Variants in BABAM2 observed in about 807,000 individuals in gnomAD.
BABAM2 encodes BRISC and BRCA1 A complex member 2, also known as BRISC and BRCA1-A complex member 2.
Under a neutral mutation model 54.7 loss-of-function variants are expected in BABAM2, and 31 were observed. The observed-to-expected ratio is 0.57, with a 90% confidence interval of 0.43 to 0.77. BABAM2 has a LOEUF of 0.77. Ranked by LOEUF, BABAM2 falls within the 30% of genes least tolerant of loss-of-function variation. The pLI, the probability that BABAM2 is intolerant of heterozygous loss-of-function variation, is 0.00. For missense variants in BABAM2, 364 were observed against 455.8 expected (o/e 0.80, Z 1.83); for synonymous variants, 167 against 162.9 (o/e 1.03, Z -0.19).
chr2:28,288,518 G>A (rs894281275), intron 10 of BABAM2, among the ~76,000 whole-genome samples: 20 of 151,916 alleles, frequency 1.3e-4, no homozygotes, highest in Non-Finnish European at 2.9e-5. Flanking sequence ...TACAGACGGG[G>A]TTTTACCATG....
intron 4 of BABAM2, among the ~76,000 whole-genome samples, chr2:28,000,736 TTATAGA>T (rs747443564): frequency 1.3e-5 from 2 of 152,234 alleles, no homozygotes; most frequent in Non-Finnish European, 2.9e-5. Flanking sequence ...CAGTATGGAC[TTATAGA>T]TATTTATTTT....
chr2:28,126,625 G>A (rs1205332659), intron 6 of BABAM2, among the ~76,000 whole-genome samples: 17 of 132,082 alleles, frequency 1.3e-4, no homozygotes, highest in Non-Finnish European at 2.6e-4. Context: ...TGTCTTTATA[G>A]CAGCATGATT....
intron 2 of BABAM2, among the ~76,000 whole-genome samples, chr2:27,929,199 G>C (rs1340279936): frequency 6.6e-6 from 1 of 152,150 alleles, no homozygotes; most frequent in East Asian, 1.9e-4. Flanking sequence ...CTGGGCTACA[G>C]AGTGAGACCT....
intron 3 of BABAM2, among the ~76,000 whole-genome samples, chr2:27,949,533 CAAAAAAAA>C (rs1042311055): frequency 2.7e-5 from 2 of 73,778 alleles, no homozygotes; most frequent in African/African-American, 1.0e-4. Flanking sequence ...GATTCCGTCT[CAAAAAAAA>C]AAAAAAAAGA....
At chr2:28,315,311 G>C (rs1425968075) in intron 11 of BABAM2, among the ~76,000 whole-genome samples, 6 of 151,808 alleles carry the variant, frequency 4.0e-5, no homozygotes, top group African/African-American at 1.5e-4. Flanking sequence ...AGTGTTAAAT[G>C]CTGAAATGAT....
chr2:28,331,939 A>G (rs1241069035), intron 11 of BABAM2, among the ~76,000 whole-genome samples: 1 of 152,230 alleles, frequency 6.6e-6, no homozygotes, highest in African/African-American at 2.4e-5. Flanking sequence ...GATAGACTGG[A>G]TAAAGAAAAT....
intron 2 of BABAM2, among the ~76,000 whole-genome samples, chr2:27,898,796 T>A (rs771693975): frequency 1.3e-5 from 2 of 152,098 alleles, no homozygotes; most frequent in Non-Finnish European, 2.9e-5. Context: ...GAATCAGAAG[T>A]GACTGCTTGA....
At chr2:28,072,408 C>T (rs571507310) in intron 6 of BABAM2, among the ~76,000 whole-genome samples, 29 of 141,520 alleles carry the variant, frequency 2.0e-4, no homozygotes, top group Non-Finnish European at 7.6e-5. Flanking sequence ...TTTTTTGAGG[C>T]GGAGTCTCGC....
chr2:28,012,198 A>G (rs1396310264), intron 4 of BABAM2, among the ~76,000 whole-genome samples: 1 of 152,216 alleles, frequency 6.6e-6, no homozygotes, highest in Non-Finnish European at 1.5e-5. Flanking sequence ...ACATCCCTGG[A>G]TGATATTCGA....
At chr2:28,079,912 T>C (rs1665016219) in intron 6 of BABAM2, among the ~76,000 whole-genome samples, 2 of 152,180 alleles carry the variant, frequency 1.3e-5, no homozygotes, top group Non-Finnish European at 2.9e-5. Flanking sequence ...AGTTATATTA[T>C]ACTATTTTAA....
intron 3 of BABAM2, among the ~76,000 whole-genome samples, chr2:27,939,039 A>G (rs558701174): frequency 5.3e-5 from 8 of 151,246 alleles, no homozygotes; most frequent in African/African-American, 1.5e-4. Flanking sequence ...TTCAACCTCC[A>G]CCTCCTGGGT....
intron 2 of BABAM2, among the ~76,000 whole-genome samples, chr2:27,898,454 C>T (rs1472242490): frequency 6.6e-6 from 1 of 152,120 alleles, no homozygotes; most frequent in Non-Finnish European, 1.5e-5. Context: ...CATTTTCTCA[C>T]TGGATCTCAA....
chr2:28,210,240 C>T (rs930834498), intron 7 of BABAM2, among the ~76,000 whole-genome samples: 11 of 152,120 alleles, frequency 7.2e-5, no homozygotes, highest in African/African-American at 9.7e-5. Context: ...TATTCAGTAC[C>T]TATTATGTGC....
At chr2:28,335,150 C>A (rs1484683941) in intron 11 of BABAM2, among the ~76,000 whole-genome samples, 1 of 124,736 alleles carries the variant, frequency 8.0e-6, no homozygotes, top group Non-Finnish European at 1.6e-5. Context: ...GTCTCTCCCA[C>A]CTTCTTTTTT....
intron 7 of BABAM2, among the ~76,000 whole-genome samples, chr2:28,146,521 A>T (rs1396239259): frequency 6.6e-6 from 1 of 152,234 alleles, no homozygotes. Flanking sequence ...AATTAAGAAA[A>T]TGGCAAAAAA....
chr2:28,082,243 G>A (rs1307943884), intron 6 of BABAM2, among the ~76,000 whole-genome samples: 2 of 152,340 alleles, frequency 1.3e-5, no homozygotes, highest in Non-Finnish European at 2.9e-5. Flanking sequence ...TCCAAGGAAG[G>A]CACTACAGTG....
At position 28,045,635 on chromosome 2, in the gene BABAM2, G is replaced by T; in HGVS notation, c.496-90G>T. 2.7e-6 allele frequency: 3 copies of T among 1,092,926 alleles called. No homozygotes were observed. In the South Asian group the frequency reaches 5.6e-5, roughly 20 times the overall value. 67.7% of individuals were successfully genotyped at this position (1,092,926 alleles called of 1,614,324 possible). A position where few individuals can be genotyped will look rare whatever the true frequency, so the allele number is the denominator to read the frequency against. ...ACCAAATTGAAGATGCCTGCATTTT[G>T]AACAGGTTGAACTTGTGGCCTTGGC... On this transcript the variant is annotated intron_variant, in intron 5 of 11. Coordinates refer to ENST00000379624, the MANE Select transcript of BABAM2 (RefSeq NM_199191.3).
intron 6 of BABAM2, among the ~76,000 whole-genome samples, chr2:28,105,683 C>T (rs1285093418): frequency 6.6e-6 from 1 of 152,114 alleles, no homozygotes; most frequent in Non-Finnish European, 1.5e-5. Context: ...AGAAATAAGC[C>T]TTATTAAGCA....
Position 28,026,886 on chromosome 2 carries a change from A to G in BABAM2, c.495+1466A>G, listed in dbSNP as rs547503067. Among the ~76,000 whole-genome samples the G allele has an allele frequency of 5.7e-5, 3 of 52,582 alleles. 1 individual carries two copies. Among genetic ancestry groups the G allele is most frequent in the Non-Finnish European group, 9.9e-5 (3 of 30,266 alleles). 34.5% of individuals were successfully genotyped at this position (52,582 alleles called of 152,430 possible). On this transcript the variant is annotated intron_variant, in intron 5 of 11. Transcript: ENST00000379624. ...TAGATATATATATTTATATATATAT[A>G]GATATATATAAATATATATAAATAT...
Sources: allele counts gnomAD v4.1 joint callset (sites outside exome capture counted in the v4.1 genomes callset), GRCh38; gene constraint gnomAD v4.1.1; transcripts MANE v1.5; gene names NCBI Gene and HGNC (gene_info 2026-07-23, HGNC 2026-07-21).